The following SHMT1 variants were observed in gnomAD, a reference collection of about 807,000 sequenced individuals.
SHMT1 encodes the protein serine hydroxymethyltransferase, cytosolic.
SHMT1 carries 45 observed loss-of-function variants against 49.0 expected under a neutral mutation model. The ratio of observed to expected loss-of-function variants is 0.92; its 90% confidence interval spans 0.72 to 1.18. The LOEUF (loss-of-function observed/expected upper bound fraction) is 1.18, where lower values mean the gene tolerates loss of function less well. SHMT1 is among the 50% of genes most tolerant of loss of function. The pLI, the probability that SHMT1 is intolerant of heterozygous loss-of-function variation, is 0.00. For missense variants in SHMT1, 541 were observed against 612.4 expected, an observed-to-expected ratio of 0.88 and a Z score of 1.23; for synonymous variants, 232 against 246.6, an observed-to-expected ratio of 0.94 and a Z score of 0.55.
At chr17:18,339,818 C>T (rs1984288760) in intron 7 of SHMT1, among the ~76,000 whole-genome samples, 1 of 152,186 alleles carries the variant, frequency 6.6e-6, no homozygotes, top group Non-Finnish European at 1.5e-5. Flanking sequence ...CTTCGGCCTC[C>T]CAAAGTGCTG....
chr17:18,352,252 T>G (rs8080168), intron 3 of SHMT1, among the ~76,000 whole-genome samples: 41,081 of 149,930 alleles, frequency 0.27, 5,787 homozygotes, highest in East Asian at 0.48. Context: ...GTTCACGCCA[T>G]TCTCCTGCAT....
At chr17:18,361,183 T>C (rs2083196633) in intron 1 of SHMT1, among the ~76,000 whole-genome samples, 1 of 150,002 alleles carries the variant, frequency 6.7e-6, no homozygotes, top group African/African-American at 2.5e-5. Flanking sequence ...TGCGCACCTG[T>C]AACCCCAGCT....
At chr17:18,338,622 G>A (rs938707469) in intron 7 of SHMT1, among the ~76,000 whole-genome samples, 2 of 152,238 alleles carry the variant, frequency 1.3e-5, no homozygotes, top group African/African-American at 2.4e-5. Flanking sequence ...ATAGAAAAGG[G>A]GGAAATGTGG....
At chr17:18,347,900 T>C (rs1385938674) in intron 4 of SHMT1, among the ~76,000 whole-genome samples, 1 of 151,804 alleles carries the variant, frequency 6.6e-6, no homozygotes, top group Non-Finnish European at 1.5e-5. Flanking sequence ...GTGACTTATC[T>C]TTTATTTATG....
chr17:18,331,938 T>C (rs1983258986), intron 9 of SHMT1: 1 of 152,176 alleles, frequency 6.6e-6, no homozygotes, highest in Non-Finnish European at 1.5e-5. Flanking sequence ...AAAAGATAGT[T>C]TCTTGAAAGT....
At chr17:18,355,863 T>C in intron 2 of SHMT1, 23 bp downstream of exon 2, 1 of 1,526,750 alleles carries the variant, frequency 6.5e-7, no homozygotes, top group Non-Finnish European at 9.1e-7. Flanking sequence ...TAAAAAAATC[T>C]GTGAAGACCC....
chr17:18,330,924 A>T (rs1226709330), intron 9 of SHMT1: 2 of 508,850 alleles, frequency 3.9e-6, no homozygotes, highest in East Asian at 7.6e-5. Flanking sequence ...TGGGGAAGGG[A>T]CAGCTTCCTC....
At chr17:18,333,474 A>AT (rs1235837676) in intron 8 of SHMT1, 186 bp from the exon 9 acceptor site, 15 of 241,428 alleles carry the variant, frequency 6.2e-5, no homozygotes, top group Admixed American at 1.2e-4. Flanking sequence ...TATTATTTTT[A>AT]TTTTTTTTGA....
At chr17:18,330,441 T>G (rs892737063) in intron 10 of SHMT1, 114 bp downstream of exon 10, 27 of 864,852 alleles carry the variant, frequency 3.1e-5, no homozygotes, top group Non-Finnish European at 5.1e-5. Context: ...CAGCCCCCAC[T>G]ACAGTTTTTA....
At chr17:18,350,912 T>C (rs1049946125) in intron 3 of SHMT1, among the ~76,000 whole-genome samples, 4 of 151,668 alleles carry the variant, frequency 2.6e-5, no homozygotes, top group Non-Finnish European at 5.9e-5. Flanking sequence ...TTTGTATTTT[T>C]AGTAGAGACA....
intron 2 of SHMT1, among the ~76,000 whole-genome samples, chr17:18,354,822 G>C (rs938642905): frequency 6.7e-6 from 1 of 149,322 alleles, no homozygotes; most frequent in South Asian, 2.1e-4. Context: ...GGTGGATCAC[G>C]AGGTCAGGAG....
At chr17:18,357,186 C>T (rs931731119) in intron 1 of SHMT1, among the ~76,000 whole-genome samples, 4 of 143,952 alleles carry the variant, frequency 2.8e-5, no homozygotes, top group Non-Finnish European at 5.9e-5. Context: ...GAGGCTGAGG[C>T]AGGAGAATCT....
At chr17:18,351,995 C>T (rs1985759336) in intron 3 of SHMT1, among the ~76,000 whole-genome samples, 1 of 152,022 alleles carries the variant, frequency 6.6e-6, no homozygotes, top group African/African-American at 2.4e-5. Context: ...CAGGCGCATG[C>T]CACCATGTCC....
chr17:18,329,429 AC>A, intron 10 of SHMT1, 41 bp from the exon 11 acceptor site: 6 of 1,456,826 alleles, frequency 4.1e-6, no homozygotes, highest in Non-Finnish European at 5.7e-6. Context: ...TCACATTGTC[AC>A]CACTGTGATG....
At chr17:18,362,181 T>C (rs1986837273) in intron 1 of SHMT1, among the ~76,000 whole-genome samples, 1 of 152,232 alleles carries the variant, frequency 6.6e-6, no homozygotes, top group Non-Finnish European at 1.5e-5. Flanking sequence ...AGAGCCAGAA[T>C]CTGAACAATG....
At chr17:18,352,362 G>GGTC in intron 3 of SHMT1, among the ~76,000 whole-genome samples, 1 of 152,136 alleles carries the variant, frequency 6.6e-6, no homozygotes, top group East Asian at 1.9e-4. Flanking sequence ...TAGCCAGGAT[G>GGTC]GTCTCGATCT....
intron 1 of SHMT1, among the ~76,000 whole-genome samples, chr17:18,358,532 C>CCACAGAG (rs1405953895): frequency 6.6e-6 from 1 of 152,086 alleles, no homozygotes; most frequent in Non-Finnish European, 1.5e-5. Flanking sequence ...AGAAAGTTAG[C>CCACAGAG]CACAGAGGCA....
At chr17:18,358,134 C>G (rs1299899822) in intron 1 of SHMT1, among the ~76,000 whole-genome samples, 1 of 135,356 alleles carries the variant, frequency 7.4e-6, no homozygotes, top group Non-Finnish European at 1.6e-5. Context: ...CCGCGCCCAG[C>G]CTGGGCTAGG....
intron 5 of SHMT1, among the ~76,000 whole-genome samples, chr17:18,342,678 G>C (rs776273622): frequency 2.9e-4 from 44 of 151,994 alleles, no homozygotes; most frequent in Non-Finnish European, 5.9e-4. Flanking sequence ...GCTTATGCCT[G>C]CAGTTCCAGC....
Sources: allele counts gnomAD v4.1 joint callset (sites outside exome capture counted in the v4.1 genomes callset), GRCh38; gene constraint gnomAD v4.1.1; transcripts MANE v1.5; gene names NCBI Gene and HGNC (gene_info 2026-07-23, HGNC 2026-07-21).